The following B4GALT1 variants were observed in gnomAD, a reference collection of about 807,000 sequenced individuals.
B4GALT1 encodes N-acetyllactosamine synthase.
In B4GALT1, 16 loss-of-function variants were observed where a neutral mutation model predicts 34.9. The ratio of observed to expected loss-of-function variants is 0.46; its 90% confidence interval spans 0.31 to 0.70. The LOEUF (loss-of-function observed/expected upper bound fraction) is 0.70. B4GALT1 is among the 30% of genes least tolerant of loss of function. B4GALT1 has a pLI of 0.05. For missense variants in B4GALT1, 445 were observed against 530.5 expected, an observed-to-expected ratio of 0.84 and a Z score of 1.58; for synonymous variants, 221 against 218.1, an observed-to-expected ratio of 1.01 and a Z score of -0.12.
intron 1 of B4GALT1, among the ~76,000 whole-genome samples, chr9:33,154,670 C>A (rs1840571358): frequency 1.3e-5 from 2 of 152,230 alleles, no homozygotes; most frequent in African/African-American, 4.8e-5. Flanking sequence ...CTTTTTCACA[C>A]TGACCAACTT....
At chr9:33,118,528 G>C (rs1048975420) in intron 3 of B4GALT1, among the ~76,000 whole-genome samples, 2 of 151,746 alleles carry the variant, frequency 1.3e-5, no homozygotes, top group African/African-American at 4.8e-5. Flanking sequence ...AAATCAGCCA[G>C]GGGTGCTGGC....
At chr9:33,174,977 AAAAAAAAAAAAAAATATAT>A in the B4GALT1 span, among the ~76,000 whole-genome samples, 6 of 41,994 alleles carry the variant, frequency 1.4e-4, no homozygotes, top group South Asian at 2.6e-3. Flanking sequence ...AAAAAAAAAA[AAAAAAAAAAAAAAATATAT>A]ATATATATAT....
At chr9:33,136,090 C>T (rs575636019) in intron 1 of B4GALT1, among the ~76,000 whole-genome samples, 57 of 151,532 alleles carry the variant, frequency 3.8e-4, no homozygotes, top group African/African-American at 1.3e-3. Flanking sequence ...CAAAGGAGAC[C>T]GAGGGAAAAT....
chr9:33,113,966 C>T, intron 4 of B4GALT1, 88 bp from the exon 5 acceptor site: 5 of 1,205,888 alleles, frequency 4.1e-6, no homozygotes, highest in Non-Finnish European at 6.1e-6. Flanking sequence ...GCTCCATCCA[C>T]CATCACCCTT....
intron 2 of B4GALT1, 139 bp from the exon 3 acceptor site, chr9:33,120,745 C>T: frequency 1.2e-6 from 1 of 835,342 alleles, no homozygotes; most frequent in South Asian, 1.4e-5. Context: ...ACTCTACAAT[C>T]AACACAGAGT....
At chr9:33,143,896 T>TA (rs57488221) in intron 1 of B4GALT1, among the ~76,000 whole-genome samples, 5 of 151,656 alleles carry the variant, frequency 3.3e-5, no homozygotes, top group Middle Eastern at 3.4e-3. Context: ...TTTTTTTTTT[T>TA]AAACTGGGTC....
chr9:33,160,156 T>G (rs1840653883), intron 1 of B4GALT1, among the ~76,000 whole-genome samples: 2 of 152,214 alleles, frequency 1.3e-5, no homozygotes, highest in African/African-American at 4.8e-5. Context: ...CTAGCCCTTC[T>G]CAAAAAACAT....
chr9:33,113,606 A>G lies in B4GALT1; in HGVS notation c.1065-20T>C. Reference sequence around the variant, plus strand: ...TCAAACCTACAAGGAAAAGAGCACAAGGAGATTGTCTTAAAACAAAAATCT... The same window carrying G: ...TCAAACCTACAAGGAAAAGAGCACAGGGAGATTGTCTTAAAACAAAAATCT... On this transcript the variant is annotated intron_variant, in intron 5 of 5. Transcript: ENST00000379731. The G allele has an allele frequency of 6.2e-7, 1 of 1,614,206 alleles. No homozygotes were observed. The highest frequency in any genetic ancestry group is 8.5e-7 in the Non-Finnish European group (1 of 1,180,024).
chr9:33,156,741 G>C (rs117740025), intron 1 of B4GALT1, among the ~76,000 whole-genome samples: 1 of 152,140 alleles, frequency 6.6e-6, no homozygotes, highest in African/African-American at 2.4e-5. Flanking sequence ...TAGCCCAACA[G>C]AATATAAGTT....
intron 1 of B4GALT1, among the ~76,000 whole-genome samples, chr9:33,156,858 A>G (rs547949755): frequency 6.6e-6 from 1 of 152,290 alleles, no homozygotes; most frequent in Non-Finnish European, 1.5e-5. Flanking sequence ...GCCCCATGCT[A>G]TAGGTTTAGC....
chr9:33,143,020 C>T (rs1312807635), intron 1 of B4GALT1, among the ~76,000 whole-genome samples: 1 of 152,198 alleles, frequency 6.6e-6, no homozygotes, highest in Non-Finnish European at 1.5e-5. Context: ...TGGCACTTGC[C>T]TGTGATCCCA....
At chr9:33,119,068 G>C (rs1839983369) in intron 3 of B4GALT1, among the ~76,000 whole-genome samples, 1 of 152,074 alleles carries the variant, frequency 6.6e-6, no homozygotes, top group Non-Finnish European at 1.5e-5. Flanking sequence ...CACCATGCTG[G>C]TCAGGCTGGT....
At position 33,135,273 on chromosome 9, in the gene B4GALT1, C is replaced by A. The variant is rs764363955; in HGVS notation, c.564G>T (p.Gln188His). ...AATATAGCCAGTACTTGAGGTGCTC[C>A]TGCCGGTTGCGGAATGGAATGATGA... ...VAIIIPFRNR[Q>H]EHLKYWLYYL... is the part of the protein sequence containing the mutation. Residue 188 changes from glutamine to histidine, a missense_variant, in exon 2 of 6, where the codon CAG (glutamine) becomes CAT (histidine). Around this residue, in one of 3 missense-constraint regions of B4GALT1, gnomAD observed 349 missense variants for 395.5 expected, o/e 0.88. Coordinates refer to ENST00000379731, the MANE Select transcript of B4GALT1 (RefSeq NM_001497.4). 1 of 1,614,186 alleles carries A rather than the reference C, an allele frequency of 6.2e-7. No individual in the cohort carries two copies.
intron 5 of B4GALT1, 44 bp from the exon 6 acceptor site, chr9:33,113,630 C>T: frequency 1.2e-6 from 2 of 1,613,646 alleles, no homozygotes; most frequent in South Asian, 1.1e-5. Context: ...AAACAAAAAT[C>T]TTAAGAAGAA....
chr9:33,179,576 G>C, the B4GALT1 span: 4 of 152,284 alleles, frequency 2.6e-5, no homozygotes, highest in East Asian at 5.8e-4. Context: ...CTGACTTACT[G>C]TTAGACTTAC....
At chr9:33,105,296 C>T (rs1458921857) in intron 2 of B4GALT1, among the ~76,000 whole-genome samples, 2 of 151,970 alleles carry the variant, frequency 1.3e-5, no homozygotes, top group African/African-American at 4.8e-5. Context: ...TGCACCACCA[C>T]GCCTGGCTAA....
At chr9:33,108,815 A>G (rs137920260), downstream of B4GALT1, 22 of 152,190 alleles carry the variant, frequency 1.4e-4, no homozygotes, top group African/African-American at 5.3e-4. Flanking sequence ...TAAAATATAT[A>G]TATTTGGCCT....
intron 2 of B4GALT1, among the ~76,000 whole-genome samples, chr9:33,124,395 T>A (rs1840064641): frequency 6.6e-6 from 1 of 152,238 alleles, no homozygotes; most frequent in Non-Finnish European, 1.5e-5. Context: ...CTTTATTTAT[T>A]AGCTATGTGA....
In B4GALT1 at chr9:33,110,647, A is replaced by C. The variant is rs1025157253; in HGVS notation, c.*2807T>G. 8.5e-5 allele frequency: 13 copies of C among 152,202 alleles called. No homozygotes were observed. Among genetic ancestry groups the C allele is most frequent in the Non-Finnish European group, 1.9e-4 (13 of 68,038 alleles). The allele number at this position is 152,202 out of a possible 1,614,324, so 9.4% of individuals were successfully genotyped here. On this transcript the variant is annotated 3_prime_UTR_variant, in exon 6 of 6. Coordinates refer to ENST00000379731, the MANE Select transcript of B4GALT1 (RefSeq NM_001497.4). The stretch of plus-strand genomic sequence containing the variant: ...CAAACAGAAACCACCTGCAGTTACA[A>C]AGATAGGGTCATTTATTCACGTTAT...
Sources: allele counts gnomAD v4.1 joint callset (sites outside exome capture counted in the v4.1 genomes callset), GRCh38; gene constraint gnomAD v4.1.1; regional missense constraint gnomAD v4.1.1; transcripts MANE v1.5; gene names NCBI Gene and HGNC (gene_info 2026-07-23, HGNC 2026-07-21).